The following AXIN1 variants were observed in gnomAD, a reference collection of about 807,000 sequenced individuals.
AXIN1 encodes axin 1.
AXIN1 carries 30 observed loss-of-function variants against 76.4 expected under a neutral mutation model. The observed-to-expected ratio is 0.39, with a 90% CI of 0.29 to 0.53. AXIN1 has a LOEUF of 0.53. Among genes scored for constraint, AXIN1 ranks in the 20% least tolerant of loss-of-function variants. The pLI, the probability that AXIN1 is intolerant of heterozygous loss-of-function variation, is 0.66. For synonymous variants in AXIN1, 545 were observed against 501.4 expected, an observed-to-expected ratio of 1.09 and a Z score of -1.16; for missense variants, 1,140 against 1,198.8, an observed-to-expected ratio of 0.95 and a Z score of 0.72.
In AXIN1 at chr16:293,649, G is replaced by T. The variant is rs775598518; in HGVS notation, c.2025C>A (p.Ala675=). 5 of 1,613,524 alleles carry T rather than the reference G, an allele frequency of 3.1e-6. No individual in the cohort carries two copies. Among genetic ancestry groups the T allele is most frequent in the East Asian group, 2.2e-5 (1 of 44,878 alleles). The part of the protein sequence containing the change: ...SRPLSLEHPW[A]GPQLRTSVQP... ...GCACGGAGGTCCGGAGCTGAGGGCC[G>T]GCCCAGGGGTGCTCAAGGGACAAGG... Residue 675 remains alanine, a synonymous_variant, in exon 8 of 11, where the codon GCC becomes GCA. Coordinates refer to ENST00000262320, the MANE Select transcript of AXIN1 (RefSeq NM_003502.4). The surrounding 1 kb of genome is among the most constrained non-coding windows in gnomAD (Gnocchi z 4.6).
chr16:343,310 T>C (rs1442409801), intron 2 of AXIN1, among the ~76,000 whole-genome samples: 1 of 151,842 alleles, frequency 6.6e-6, no homozygotes. Flanking sequence ...AACTGAAGAG[T>C]GGCTGGGAGG....
intron 2 of AXIN1, among the ~76,000 whole-genome samples, chr16:321,892 G>C (rs993931514): frequency 3.9e-5 from 6 of 152,220 alleles, no homozygotes; most frequent in African/African-American, 1.4e-4. Flanking sequence ...GCTTCAGGCT[G>C]GTTGTAAAGT....
In AXIN1 at chr16:347,125, G is replaced by A. The variant is rs527304888; in HGVS notation, c.-81-19C>T. 1.2e-6 allele frequency: 2 copies of A among 1,601,044 alleles called. No homozygotes were observed. The highest frequency in any genetic ancestry group is 1.7e-5 in the Admixed American group (1 of 59,754). ...ATCTGTCCTGTTGAAACCATTAAGAGGACAAGGATTAGGAAAGGTGGGTCC... is the reference window on the plus strand; with the variant it reads ...ATCTGTCCTGTTGAAACCATTAAGAAGACAAGGATTAGGAAAGGTGGGTCC... On this transcript the variant is annotated intron_variant, in intron 1 of 10. Transcript: ENST00000262320.
chr16:345,040 T>C (rs1334567947), intron 2 of AXIN1, among the ~76,000 whole-genome samples: 2 of 152,092 alleles, frequency 1.3e-5, no homozygotes, highest in Non-Finnish European at 2.9e-5. Context: ...TCACCAGCTC[T>C]AGGGAAAGAG....
chr16:333,535 C>T (rs2053737751), intron 2 of AXIN1, among the ~76,000 whole-genome samples: 2 of 151,706 alleles, frequency 1.3e-5, no homozygotes, highest in Admixed American at 6.6e-5. Context: ...CAGCAAAACA[C>T]AGTATTATGA....
chr16:328,151 GGAGGCT>G (rs2053619993), intron 2 of AXIN1, among the ~76,000 whole-genome samples: 1 of 152,212 alleles, frequency 6.6e-6, no homozygotes, highest in Admixed American at 6.5e-5. Flanking sequence ...CAGCATTTTG[GGAGGCT>G]GAGGTAGATG....
At chr16:304,770 G>A (rs1348286515) in intron 4 of AXIN1, among the ~76,000 whole-genome samples, 2 of 152,116 alleles carry the variant, frequency 1.3e-5, no homozygotes, top group African/African-American at 4.8e-5. Context: ...CCTGACCTCA[G>A]GTGATCTGCC....
In AXIN1 at chr16:352,653, T is replaced by TCCCGAGCCAGAGCCCGAGCCAGAG. The variant is rs899102607; in HGVS notation, c.-390_-367dup. The TCCCGAGCCAGAGCCCGAGCCAGAG allele has an allele frequency of 1.9e-5, 3 of 155,812 alleles. No individual in the cohort carries two copies. Among genetic ancestry groups the TCCCGAGCCAGAGCCCGAGCCAGAG allele is most frequent in the African/African-American group, 7.3e-5 (3 of 40,928 alleles). 9.7% of individuals were successfully genotyped at this position (155,812 alleles called of 1,614,324 possible). Reference sequence around the variant, plus strand: ...GGCGGCGGCAGCGGCCACGATCGCCTCCCGAGCCAGAGCCCGAGCCAGAGC... The same window carrying TCCCGAGCCAGAGCCCGAGCCAGAG: ...GGCGGCGGCAGCGGCCACGATCGCCTCCCGAGCCAGAGCCCGAGCCAGAGCCCGAGCCAGAGCCCGAGCCAGAGC... On this transcript the variant is annotated 5_prime_UTR_variant, in exon 1 of 11. Transcript: ENST00000262320.
chr16:305,956 G>A (rs1012290430), intron 4 of AXIN1, among the ~76,000 whole-genome samples: 5 of 152,072 alleles, frequency 3.3e-5, no homozygotes, highest in African/African-American at 1.2e-4. Context: ...GAGCCACCAC[G>A]CCTGGCCCTG....
chr16:291,416 C>G, intron 8 of AXIN1, 119 bp from the exon 9 acceptor site: 1 of 831,730 alleles, frequency 1.2e-6, no homozygotes. Flanking sequence ...AACAACCCAC[C>G]CTGCGCAGGC....
In AXIN1 at chr16:298,091, TC is replaced by T; in HGVS notation, c.1414del (p.Asp472ThrfsTer8). Reference sequence around the variant, plus strand: ...CCTCAGCACACGCTGTACGTGCTCGTCCAGGATGCTCTCAGGGTTCTCCTCG... The same window carrying T: ...CCTCAGCACACGCTGTACGTGCTCGTCAGGATGCTCTCAGGGTTCTCCTCG... ...AHEENPESIL[D>X]EHVQRVLRTP... On this transcript the variant is annotated frameshift_variant, in exon 6 of 11. Transcript: ENST00000262320. LOFTEE classifies it high-confidence loss of function. The T allele has an allele frequency of 6.4e-7, 1 of 1,551,870 alleles. No homozygotes were observed.
At chr16:316,029 G>A (rs2053294886) in intron 2 of AXIN1, among the ~76,000 whole-genome samples, 1 of 152,012 alleles carries the variant, frequency 6.6e-6, no homozygotes, top group African/African-American at 2.4e-5. Flanking sequence ...CTCCAGCCTG[G>A]GCGACAGAGT....
intron 2 of AXIN1, among the ~76,000 whole-genome samples, chr16:328,466 C>T (rs1597085095): frequency 6.6e-6 from 1 of 151,672 alleles, no homozygotes; most frequent in Non-Finnish European, 1.5e-5. Context: ...GAGGCCGCGG[C>T]GGGCGGATCA....
At chr16:307,134 C>T (rs990762163) in intron 4 of AXIN1, among the ~76,000 whole-genome samples, 27 of 152,286 alleles carry the variant, frequency 1.8e-4, no homozygotes, top group Admixed American at 3.3e-4. Flanking sequence ...CGCAGACAGA[C>T]GCGCTTATGG....
chr16:327,675 G>A (rs1314306868), intron 2 of AXIN1, among the ~76,000 whole-genome samples: 1 of 152,254 alleles, frequency 6.6e-6, no homozygotes, highest in East Asian at 1.9e-4. Context: ...AGCTCAAACT[G>A]TGGCCAAATG....
chr16:288,402 C>G (rs1355054284), intron 10 of AXIN1, 154 bp from the exon 11 acceptor site: 3 of 1,113,636 alleles, frequency 2.7e-6, no homozygotes, highest in Non-Finnish European at 3.9e-6. Flanking sequence ...CCCAGGGCAA[C>G]AGTGAACAGT....
At position 320,738 on chromosome 16, in the gene AXIN1, TA is replaced by T. The variant is rs1456683853; in HGVS notation, c.879-6056del. Among the ~76,000 whole-genome samples, 109 of 94,014 alleles carry T rather than the reference TA, an allele frequency of 1.2e-3. 1 individual carries two copies. In the East Asian group the frequency reaches 0.012, roughly 10 times the overall value. 61.7% of individuals were successfully genotyped at this position (94,014 alleles called of 152,430 possible). A position where few individuals can be genotyped will look rare whatever the true frequency, so the allele number is the denominator to read the frequency against. On this transcript the variant is annotated intron_variant, in intron 2 of 10. Coordinates refer to ENST00000262320, the MANE Select transcript of AXIN1 (RefSeq NM_003502.4). ...GCGTGTGTGTGTATATATATATATATATATATTTTTTTTTTTTTTGAGACGG... is the reference window on the plus strand; with the variant it reads ...GCGTGTGTGTGTATATATATATATATTATATTTTTTTTTTTTTTGAGACGG...
intron 4 of AXIN1, among the ~76,000 whole-genome samples, chr16:305,528 T>TTGTTTGTTTTTGGTTTTTTTTG (rs1327681445): frequency 6.6e-6 from 1 of 151,988 alleles, no homozygotes; most frequent in African/African-American, 2.4e-5. Context: ...ACCATATAGC[T>TTGTTTGTTTTTGGTTTTTTTTG]TGTTTGTTTT....
chr16:322,893 G>A (rs914955534), intron 2 of AXIN1, among the ~76,000 whole-genome samples: 60 of 152,260 alleles, frequency 3.9e-4, no homozygotes, highest in African/African-American at 1.4e-3. Flanking sequence ...GCCTGCAGCT[G>A]CGTCCCAGCT....
Sources: gnomAD v4.1 joint callset for allele counts (sites outside exome capture counted in the v4.1 genomes callset) on GRCh38, gnomAD v4.1.1 for gene constraint, Gnocchi (gnomAD v3.1) non-coding constraint, MANE v1.5 for transcripts, NCBI Gene and HGNC (gene_info 2026-07-23, HGNC 2026-07-21) for gene names.